Variants in HIVEP3 observed in about 807,000 individuals in gnomAD.
The protein encoded by HIVEP3 is HIVEP zinc finger 3.
Under a neutral mutation model 152.8 loss-of-function variants are expected in HIVEP3, and 49 were observed. That is an observed-to-expected ratio of 0.32 (90% CI 0.26 to 0.41). The LOEUF (loss-of-function observed/expected upper bound fraction) is 0.41. Among genes scored for constraint, HIVEP3 ranks in the 10% least tolerant of loss-of-function variants. The pLI is 1.00. For synonymous variants in HIVEP3, 1,269 were observed against 1,289.0 expected, an observed-to-expected ratio of 0.98 and a Z score of 0.33; for missense variants, 2,790 against 3,103.3, an observed-to-expected ratio of 0.90 and a Z score of 2.40.
At chr1:41,796,764 A>T (rs1013194613) in intron 1 of HIVEP3, among the ~76,000 whole-genome samples, 25 of 152,212 alleles carry the variant, frequency 1.6e-4, no homozygotes, top group African/African-American at 4.6e-4. Context: ...TAGATTTTTT[A>T]AAAAAACACA....
At chr1:42,005,394 GTATA>G (rs922445252) in intron 1 of HIVEP3, among the ~76,000 whole-genome samples, 2 of 151,760 alleles carry the variant, frequency 1.3e-5, no homozygotes, top group Admixed American at 6.6e-5. Context: ...ACACACATGT[GTATA>G]TATATACACA....
intron 5 of HIVEP3, among the ~76,000 whole-genome samples, chr1:41,526,356 C>T (rs190034365): frequency 1.4e-5 from 2 of 147,304 alleles, no homozygotes; most frequent in East Asian, 4.1e-4. Context: ...CCACACTCAC[C>T]CTCACACTCA....
chr1:41,856,419 C>T (rs780170546), intron 1 of HIVEP3, among the ~76,000 whole-genome samples: 3 of 152,164 alleles, frequency 2.0e-5, no homozygotes, highest in South Asian at 2.1e-4. Context: ...AACATCAGCA[C>T]GGTCTTGCTT....
chr1:41,534,090 C>T (rs1268851326), intron 5 of HIVEP3, among the ~76,000 whole-genome samples: 1 of 152,136 alleles, frequency 6.6e-6, no homozygotes, highest in Non-Finnish European at 1.5e-5. Flanking sequence ...TCCAAGGGTG[C>T]CACCTCTCTG....
chr1:41,700,497 A>G (rs1646345399), intron 2 of HIVEP3, among the ~76,000 whole-genome samples: 1 of 152,204 alleles, frequency 6.6e-6, no homozygotes, highest in Non-Finnish European at 1.5e-5. Context: ...GATGTGGTAC[A>G]CAGCTGCAGT....
intron 1 of HIVEP3, among the ~76,000 whole-genome samples, chr1:41,863,291 T>G (rs1643912078): frequency 6.6e-6 from 1 of 152,066 alleles, no homozygotes; most frequent in Non-Finnish European, 1.5e-5. Flanking sequence ...CAGAGAACGC[T>G]GGAAAAGGAT....
At chr1:41,613,189 T>G (rs1644922177) in intron 3 of HIVEP3, among the ~76,000 whole-genome samples, 1 of 152,240 alleles carries the variant, frequency 6.6e-6, no homozygotes, top group Non-Finnish European at 1.5e-5. Flanking sequence ...CCTCTCCAAA[T>G]GGGTTTCCCA....
chr1:41,617,399 G>A (rs6664708), intron 3 of HIVEP3, among the ~76,000 whole-genome samples: 92,246 of 152,042 alleles, frequency 0.61, 28,295 homozygotes, highest in African/African-American at 0.7. Context: ...ATTCTGTCCC[G>A]AGGACCACAC....
intron 1 of HIVEP3, among the ~76,000 whole-genome samples, chr1:41,810,754 G>T (rs1650907741): frequency 6.6e-6 from 1 of 152,202 alleles, no homozygotes; most frequent in South Asian, 2.1e-4. Context: ...CTTTTAAAAA[G>T]AATCAATTCA....
chr1:41,601,766 A>G (rs758195392), intron 3 of HIVEP3, among the ~76,000 whole-genome samples: 15 of 152,146 alleles, frequency 9.9e-5, no homozygotes, highest in Non-Finnish European at 1.9e-4. Flanking sequence ...GACTTCCAGT[A>G]CTGTCTTGAA....
intron 1 of HIVEP3, among the ~76,000 whole-genome samples, chr1:41,989,751 C>CT (rs1014001151): frequency 1.5e-4 from 23 of 151,770 alleles, no homozygotes; most frequent in African/African-American, 4.8e-4. Context: ...CAACCCCTGC[C>CT]TTTTTTTGTT....
rs368789252 is a variant in HIVEP3 at position 41,512,999 on chromosome 1, T to C, written c.6222A>G (p.Pro2074=). The change falls in exon 8 of 9, where the codon CCA becomes CCG. Residue 2074 remains proline (P), a synonymous_variant. Transcript: ENST00000372583. ...ACCGTGGTGGTGACTCGGCCTGACC[T>C]GGAGACCATCTCCTGGTGGGCGAGT... is the stretch of plus-strand genomic sequence containing the variant. ...PRYSPTRRWS[P]GQAESPPRSA... 111 of 1,613,328 alleles carry C rather than the reference T, an allele frequency of 6.9e-5. No homozygotes were observed. In the Middle Eastern group the frequency reaches 1.3e-3, roughly 19 times the overall value.
At chr1:41,561,260 C>A (rs12565387) in intron 5 of HIVEP3, among the ~76,000 whole-genome samples, 1 of 152,320 alleles carries the variant, frequency 6.6e-6, no homozygotes, top group East Asian at 1.9e-4. Context: ...CCCAGTCCTC[C>A]AGACTCTACA....
At chr1:41,952,165 A>C (rs1238632542) in intron 1 of HIVEP3, among the ~76,000 whole-genome samples, 2 of 152,162 alleles carry the variant, frequency 1.3e-5, no homozygotes, top group Non-Finnish European at 2.9e-5. Context: ...TGGATTTTGC[A>C]ACAGAGAGTT....
At chr1:41,558,654 G>C (rs1036931411) in intron 5 of HIVEP3, among the ~76,000 whole-genome samples, 1 of 152,214 alleles carries the variant, frequency 6.6e-6, no homozygotes, top group Non-Finnish European at 1.5e-5. Flanking sequence ...ACATTGCAGA[G>C]GAGCTTCCCT....
intron 1 of HIVEP3, among the ~76,000 whole-genome samples, chr1:42,021,020 G>T (rs1048098316): frequency 3.3e-5 from 5 of 152,196 alleles, no homozygotes; most frequent in African/African-American, 1.2e-4. Flanking sequence ...GCAGAAGTCA[G>T]ATTTTGCAGG....
At position 41,888,181 on chromosome 1, in the gene HIVEP3, A is replaced by G. The variant is rs868101188; in HGVS notation, c.-801+30232T>C. On this transcript the variant is annotated intron_variant, in intron 1 of 8. Transcript: ENST00000372583. ...CTCTCAAGTAGCTGGGACTACAGGC[A>G]CCCACCACCACGCCCGGCTAATTTT... Among the ~76,000 whole-genome samples, 266 of 140,846 alleles carry G rather than the reference A, an allele frequency of 1.9e-3. 1 individual carries two copies. Among genetic ancestry groups the G allele is most frequent in the East Asian group, 4.1e-3 (20 of 4,924 alleles). 92.4% of individuals were successfully genotyped at this position (140,846 alleles called of 152,430 possible).
chr1:41,675,937 G>C (rs1189896454), intron 2 of HIVEP3, among the ~76,000 whole-genome samples: 4 of 139,788 alleles, frequency 2.9e-5, no homozygotes, highest in Non-Finnish European at 5.9e-5. Context: ...AGGTGACATA[G>C]GATCTTGGGG....
intron 3 of HIVEP3, among the ~76,000 whole-genome samples, chr1:41,615,167 G>C (rs1644949516): frequency 6.6e-6 from 1 of 152,182 alleles, no homozygotes; most frequent in Non-Finnish European, 1.5e-5. Flanking sequence ...CTTGTTTAAA[G>C]GTTACTTCTT....
Sources: gnomAD v4.1 joint callset for allele counts (sites outside exome capture counted in the v4.1 genomes callset) on GRCh38, gnomAD v4.1.1 for gene constraint, MANE v1.5 for transcripts, NCBI Gene and HGNC (gene_info 2026-07-23, HGNC 2026-07-21) for gene names.